The following KIAA1958 variants were observed in gnomAD, a reference collection of about 807,000 sequenced individuals.
KIAA1958 encodes KIAA1958.
A neutral mutation model predicts 47.2 loss-of-function variants in KIAA1958; 14 were observed. That is an observed-to-expected ratio of 0.30 (90% CI 0.20 to 0.46). The LOEUF is 0.46. Among genes scored for constraint, KIAA1958 ranks in the 20% least tolerant of loss-of-function variants. The pLI is 1.00. For missense variants in KIAA1958, 803 were observed against 909.2 expected (o/e 0.88, Z 1.50); for synonymous variants, 354 against 353.3 (o/e 1.00, Z -0.02).
At chr9:112,653,299 A>G (rs1262519643) in intron 3 of KIAA1958, among the ~76,000 whole-genome samples, 1 of 152,230 alleles carries the variant, frequency 6.6e-6, no homozygotes, top group Non-Finnish European at 1.5e-5. Flanking sequence ...GCTGGAAAAT[A>G]GAGTACAAAG....
intron 3 of KIAA1958, among the ~76,000 whole-genome samples, chr9:112,658,989 C>T (rs540802186): frequency 7.8e-6 from 1 of 128,702 alleles, no homozygotes; most frequent in Non-Finnish European, 1.5e-5. Flanking sequence ...CACTGCACTC[C>T]AGCCTGGGCG....
intron 2 of KIAA1958, among the ~76,000 whole-genome samples, chr9:112,614,682 A>T (rs900496554): frequency 7.9e-5 from 12 of 152,190 alleles, no homozygotes; most frequent in Admixed American, 7.9e-4. Flanking sequence ...TGACAGTGTG[A>T]CATTTGTCTT....
At chr9:112,554,921 A>C (rs554932793) in intron 1 of KIAA1958, among the ~76,000 whole-genome samples, 1 of 152,342 alleles carries the variant, frequency 6.6e-6, no homozygotes, top group African/African-American at 2.4e-5. Flanking sequence ...TGAAATGACA[A>C]CTAAGAAAAA....
intron 2 of KIAA1958, chr9:112,617,855 C>T (rs748812780): frequency 9.1e-6 from 14 of 1,536,274 alleles, no homozygotes; most frequent in Admixed American, 6.0e-5. Flanking sequence ...ATCCCTCCCC[C>T]CCCAATTTGT....
chr9:112,622,005 G>C (rs1836517728), intron 2 of KIAA1958, among the ~76,000 whole-genome samples: 1 of 152,160 alleles, frequency 6.6e-6, no homozygotes, highest in Non-Finnish European at 1.5e-5. Context: ...GCCTCCCAAA[G>C]TGCTGGCGTT....
At chr9:112,605,445 A>G (rs186459211) in intron 2 of KIAA1958, among the ~76,000 whole-genome samples, 32 of 152,270 alleles carry the variant, frequency 2.1e-4, no homozygotes, top group African/African-American at 6.7e-4. Context: ...AGAATATTTC[A>G]TACCAGGTCA....
rs1837363903 is a variant in KIAA1958, at chr9:112,667,381, A to T, written c.*7312A>T. 1 of 152,282 alleles carries T rather than the reference A, an allele frequency of 6.6e-6. No homozygotes were observed. Among genetic ancestry groups the T allele is most frequent in the Non-Finnish European group, 1.5e-5 (1 of 68,102 alleles). The allele number at this position is 152,282 out of a possible 1,614,324, so 9.4% of individuals were successfully genotyped here. A position where few individuals can be genotyped will look rare whatever the true frequency, so the allele number is the denominator to read the frequency against. On this transcript the variant is annotated 3_prime_UTR_variant, in exon 4 of 4. Coordinates refer to ENST00000337530, the MANE Select transcript of KIAA1958 (RefSeq NM_133465.4). ...CATCTGAGGTCAGGAGTTCAAGACCAGCCTGGCCAACATGGTGAACCCCGT... is the reference window on the plus strand; with the variant it reads ...CATCTGAGGTCAGGAGTTCAAGACCTGCCTGGCCAACATGGTGAACCCCGT...
chr9:112,621,828 C>T (rs1392073795), intron 2 of KIAA1958, among the ~76,000 whole-genome samples: 1 of 152,096 alleles, frequency 6.6e-6, no homozygotes, highest in Non-Finnish European at 1.5e-5. Flanking sequence ...AGCTCACTGT[C>T]AACCTCAAAC....
At chr9:112,527,350 T>C (rs187385119) in intron 1 of KIAA1958, among the ~76,000 whole-genome samples, 1 of 152,270 alleles carries the variant, frequency 6.6e-6, no homozygotes. Flanking sequence ...AAAGAGCATT[T>C]TTGTAGGCAT....
At chr9:112,636,127 A>G (rs976094884) in intron 2 of KIAA1958, among the ~76,000 whole-genome samples, 1 of 148,248 alleles carries the variant, frequency 6.7e-6, no homozygotes, top group Non-Finnish European at 1.5e-5. Flanking sequence ...TATACTATAC[A>G]TATATCATAT....
chr9:112,588,291 T>C (rs1367836068), intron 2 of KIAA1958, among the ~76,000 whole-genome samples: 1 of 152,222 alleles, frequency 6.6e-6, no homozygotes, highest in Non-Finnish European at 1.5e-5. Flanking sequence ...TTCATCCCGA[T>C]GAGTTTCACA....
At chr9:112,511,336 A>C (rs988709529) in intron 1 of KIAA1958, among the ~76,000 whole-genome samples, 1 of 152,240 alleles carries the variant, frequency 6.6e-6, no homozygotes, top group Non-Finnish European at 1.5e-5. Flanking sequence ...TCTGATGTAC[A>C]GAAAAGTTTG....
Position 112,666,733 on chromosome 9 carries a change from A to C in KIAA1958, c.*6664A>C, listed in dbSNP as rs750783088. On this transcript the variant is annotated 3_prime_UTR_variant, in exon 4 of 4. Coordinates refer to ENST00000337530, the MANE Select transcript of KIAA1958 (RefSeq NM_133465.4). The stretch of plus-strand genomic sequence containing the variant: ...AAACAGGCCCTGTGAAATTAAAAAC[A>C]TGAAAGCTATTTAGTACTTGTCCTC... 6.6e-6 allele frequency: 1 copy of C among 152,232 alleles called. No individual in the cohort carries two copies. Among genetic ancestry groups the C allele is most frequent in the East Asian group, 1.9e-4 (1 of 5,202 alleles). The allele number at this position is 152,232 out of a possible 1,614,324, so 9.4% of individuals were successfully genotyped here. A position where few individuals can be genotyped will look rare whatever the true frequency, so the allele number is the denominator to read the frequency against.
At chr9:112,488,607 G>A (rs1472784931) in intron 1 of KIAA1958, among the ~76,000 whole-genome samples, 1 of 151,974 alleles carries the variant, frequency 6.6e-6, no homozygotes, top group Non-Finnish European at 1.5e-5. Context: ...AGCAGTTTTG[G>A]GGGCCATGCA....
chr9:112,498,821 G>A (rs899942049), intron 1 of KIAA1958, among the ~76,000 whole-genome samples: 2 of 152,048 alleles, frequency 1.3e-5, no homozygotes, highest in Non-Finnish European at 2.9e-5. Flanking sequence ...TCATCCTACA[G>A]TACTGCAGAA....
chr9:112,587,213 G>A (rs1728143463), intron 2 of KIAA1958, among the ~76,000 whole-genome samples: 2 of 152,040 alleles, frequency 1.3e-5, no homozygotes, highest in African/African-American at 4.8e-5. Context: ...GCAGTGGCGC[G>A]ATCTCGACTC....
At position 112,662,871 on chromosome 9, in the gene KIAA1958, A is replaced by G. The variant is rs1234686369; in HGVS notation, c.*2802A>G. Reference sequence around the variant, plus strand: ...CGTCCTCCGAGGTCTTAAGGGGGCCAGAGTAGCAGTCCTCGTTGGCGTTCT... The same window carrying G: ...CGTCCTCCGAGGTCTTAAGGGGGCCGGAGTAGCAGTCCTCGTTGGCGTTCT... On this transcript the variant is annotated 3_prime_UTR_variant, in exon 4 of 4. Transcript: ENST00000337530. 1 of 152,328 alleles carries G rather than the reference A, an allele frequency of 6.6e-6. No individual in the cohort carries two copies. Among genetic ancestry groups the G allele is most frequent in the Non-Finnish European group, 1.5e-5 (1 of 68,120 alleles). 9.4% of individuals were successfully genotyped at this position (152,328 alleles called of 1,614,324 possible).
At chr9:112,587,394 C>A (rs956941467) in intron 2 of KIAA1958, among the ~76,000 whole-genome samples, 5 of 152,196 alleles carry the variant, frequency 3.3e-5, no homozygotes, top group Non-Finnish European at 5.9e-5. Context: ...AAGTGATCCA[C>A]CCGCTTTGGC....
At chr9:112,581,312 G>A (rs980896062) in intron 2 of KIAA1958, among the ~76,000 whole-genome samples, 2 of 152,132 alleles carry the variant, frequency 1.3e-5, no homozygotes, top group African/African-American at 2.4e-5. Flanking sequence ...GATAATAGCC[G>A]CCTTTATTAA....
Sources: allele counts gnomAD v4.1 joint callset (sites outside exome capture counted in the v4.1 genomes callset), GRCh38; gene constraint gnomAD v4.1.1; transcripts MANE v1.5; gene names NCBI Gene and HGNC (gene_info 2026-07-23, HGNC 2026-07-21).